The following RIGI variants were observed in gnomAD, a reference collection of about 807,000 sequenced individuals.
The protein encoded by RIGI is antiviral innate immune response receptor RIG-I.
At chr9:32,498,421 C>T in the RIGI span, 1 of 450,156 alleles carries the variant, frequency 2.2e-6, no homozygotes, top group South Asian at 1.6e-5. Context: ...CTCCAAGTGC[C>T]TGTTTCCTGC....
chr9:32,457,456 C>A, the RIGI span: 2 of 1,487,760 alleles, frequency 1.3e-6, no homozygotes, highest in Admixed American at 2.0e-5. Flanking sequence ...CAAAAGAGAA[C>A]GTTAGAACCA....
the RIGI span, among the ~76,000 whole-genome samples, chr9:32,506,780 T>C: frequency 6.6e-6 from 1 of 152,334 alleles, no homozygotes; most frequent in South Asian, 2.1e-4. Flanking sequence ...TTTTTGTTCT[T>C]TATTTTGGCC....
chr9:32,475,912 A>G, the RIGI span, among the ~76,000 whole-genome samples: 1 of 152,168 alleles, frequency 6.6e-6, no homozygotes, highest in Non-Finnish European at 1.5e-5. Flanking sequence ...ATATCTGCAA[A>G]TCACATTTCT....
the RIGI span, among the ~76,000 whole-genome samples, chr9:32,509,712 G>A: frequency 7.9e-5 from 12 of 152,120 alleles, no homozygotes; most frequent in East Asian, 9.7e-4. Context: ...TGCCAGCAAC[G>A]GAACAAAACT....
At chr9:32,505,400 G>A in the RIGI span, among the ~76,000 whole-genome samples, 5 of 151,880 alleles carry the variant, frequency 3.3e-5, no homozygotes, top group East Asian at 1.9e-4. Flanking sequence ...CTTACTTTCC[G>A]GTATTTTTAT....
chr9:32,483,809 T>C, the RIGI span, among the ~76,000 whole-genome samples: 59 of 152,132 alleles, frequency 3.9e-4, no homozygotes, highest in Non-Finnish European at 8.2e-4. Flanking sequence ...TCTACAGGAC[T>C]AATGGAAGTC....
chr9:32,507,176 C>T, the RIGI span, among the ~76,000 whole-genome samples: 1 of 152,048 alleles, frequency 6.6e-6, no homozygotes, highest in Non-Finnish European at 1.5e-5. Flanking sequence ...AATGAGGAAA[C>T]TGAGGCATAC....
At chr9:32,475,168 T>C in the RIGI span, among the ~76,000 whole-genome samples, 1 of 152,108 alleles carries the variant, frequency 6.6e-6, no homozygotes, top group Non-Finnish European at 1.5e-5. Flanking sequence ...GCCAGGCTGA[T>C]GTCAAACTCC....
At chr9:32,476,663 G>C in the RIGI span, among the ~76,000 whole-genome samples, 1 of 139,902 alleles carries the variant, frequency 7.1e-6, no homozygotes, top group South Asian at 2.2e-4. Context: ...TTTTTTTTTA[G>C]ACACAGGTTC....
the RIGI span, among the ~76,000 whole-genome samples, chr9:32,496,806 T>G: frequency 6.6e-6 from 1 of 152,226 alleles, no homozygotes. Context: ...TATCCAGTTT[T>G]CCCAACAACA....
At chr9:32,489,773 G>A in the RIGI span, among the ~76,000 whole-genome samples, 3 of 152,170 alleles carry the variant, frequency 2.0e-5, no homozygotes, top group East Asian at 5.8e-4. Flanking sequence ...AGGCAATGCT[G>A]TATGTGAAAA....
At chr9:32,517,228 C>T in the RIGI span, among the ~76,000 whole-genome samples, 1 of 152,268 alleles carries the variant, frequency 6.6e-6, no homozygotes, top group African/African-American at 2.4e-5. Context: ...AACTGCTTTA[C>T]CCAAAATTCT....
the RIGI span, chr9:32,500,895 T>G: frequency 6.2e-7 from 1 of 1,614,168 alleles, no homozygotes; most frequent in South Asian, 1.1e-5. Context: ...GCAGCCTCCA[T>G]TGGGCCCTTG....
the RIGI span, chr9:32,498,260 C>A: frequency 2.2e-6 from 1 of 456,696 alleles, no homozygotes; most frequent in East Asian, 6.9e-5. Context: ...TTGGATCTTG[C>A]TAACACTGCC....
the RIGI span, among the ~76,000 whole-genome samples, chr9:32,495,301 A>G: frequency 6.6e-6 from 1 of 152,014 alleles, no homozygotes; most frequent in Admixed American, 6.5e-5. Context: ...TCCCGGGTTC[A>G]AGCAATTCTC....
the RIGI span, among the ~76,000 whole-genome samples, chr9:32,489,677 T>G: frequency 2.0e-5 from 3 of 150,094 alleles, no homozygotes; most frequent in South Asian, 2.1e-4. Flanking sequence ...AAAAAAAACA[T>G]GAATTATTTT....
At chr9:32,488,642 A>AT in the RIGI span, 242 of 1,307,624 alleles carry the variant, frequency 1.9e-4, no homozygotes, top group Non-Finnish European at 2.2e-4. Flanking sequence ...TCTAATATAA[A>AT]TTTTTTTAAA....
the RIGI span, among the ~76,000 whole-genome samples, chr9:32,487,220 T>G: frequency 6.6e-6 from 1 of 152,158 alleles, no homozygotes; most frequent in Admixed American, 6.5e-5. Flanking sequence ...GCTAGTACAT[T>G]TATAAGAGGT....
the RIGI span, among the ~76,000 whole-genome samples, chr9:32,514,360 T>C: frequency 1.3e-5 from 2 of 151,904 alleles, no homozygotes; most frequent in Non-Finnish European, 2.9e-5. Flanking sequence ...ATAAAGAAAA[T>C]ATGGCACATA....
Sources: allele counts gnomAD v4.1 joint callset (sites outside exome capture counted in the v4.1 genomes callset), GRCh38; gene constraint gnomAD v4.1.1; transcripts MANE v1.5; gene names NCBI Gene and HGNC (gene_info 2026-07-23, HGNC 2026-07-21).